Variants in NOTCH2 observed in about 807,000 individuals in gnomAD.
NOTCH2 encodes the protein neurogenic locus notch homolog protein 2.
NOTCH2 carries 29 observed loss-of-function variants against 235.8 expected under a neutral mutation model. The ratio of observed to expected loss-of-function variants is 0.12; its 90% CI spans 0.09 to 0.17. The LOEUF (loss-of-function observed/expected upper bound fraction) is 0.17. Ranked by LOEUF, NOTCH2 falls within the 10% of genes least tolerant of loss-of-function variation. The pLI, the probability that NOTCH2 is intolerant of heterozygous loss-of-function variation, is 1.00. For synonymous variants in NOTCH2, 1,086 were observed against 1,141.5 expected (o/e 0.95, Z 0.98); for missense variants, 2,285 against 3,150.2 (o/e 0.73, Z 6.57).
intron 4 of NOTCH2, chr1:119,996,536 G>A (rs1222696483): frequency 1.5e-6 from 1 of 652,400 alleles, no homozygotes; most frequent in Non-Finnish European, 2.8e-6. Flanking sequence ...GTGCATTTAG[G>A]TGGATAAGAA....
chr1:119,966,526 G>A (rs782118351), intron 8 of NOTCH2, 37 bp from the exon 9 acceptor site: 1 of 1,441,754 alleles, frequency 6.9e-7, no homozygotes, highest in South Asian at 1.1e-5. Flanking sequence ...CTTAAAGAGA[G>A]AGAAAGGTGT....
At position 119,997,214 on chromosome 1, in the gene NOTCH2, T is replaced by C. The variant is rs1616532; in HGVS notation, c.534A>G (p.Lys178=). The stretch of plus-strand genomic sequence containing the variant: ...CACACTCATTGACATCAGTCTCACA[T>C]TTCTGCCCTGTGAAGCCTGTGAGGC... ...CKCLTGFTGQ[K]CETDVNECDI... Residue 178 remains lysine, a synonymous_variant, in exon 4 of 34, where the codon AAA becomes AAG. Transcript: ENST00000256646. The C allele has an allele frequency of 2.0e-5, 32 of 1,613,950 alleles. No individual in the cohort carries two copies. Among genetic ancestry groups the C allele is most frequent in the Middle Eastern group, 1.7e-4 (1 of 6,056 alleles).
chr1:120,037,238 G>T (rs2101353397), intron 1 of NOTCH2, among the ~76,000 whole-genome samples: 1 of 151,374 alleles, frequency 6.6e-6, no homozygotes, highest in African/African-American at 2.4e-5. Flanking sequence ...GAGTTATACA[G>T]GCTCTTTTAA....
At chr1:119,996,220 T>G (rs1652439237) in intron 4 of NOTCH2, 1 of 171,318 alleles carries the variant, frequency 5.8e-6, no homozygotes, top group African/African-American at 2.4e-5. Flanking sequence ...CCTTTCTCCC[T>G]CTCCATGGAA....
chr1:120,007,636 G>A (rs1373609251), intron 2 of NOTCH2, among the ~76,000 whole-genome samples: 4 of 151,864 alleles, frequency 2.6e-5, no homozygotes, highest in Admixed American at 2.6e-4. Flanking sequence ...GTTGCAGTGA[G>A]CCAACGAGAT....
intron 18 of NOTCH2, 44 bp from the exon 19 acceptor site, chr1:119,940,800 G>A: frequency 1.3e-6 from 2 of 1,525,024 alleles, no homozygotes; most frequent in Non-Finnish European, 1.8e-6. Flanking sequence ...TCTGGTGCCT[G>A]TGACTTACTA....
chr1:119,943,989 A>ATTTCTC (rs2101108786), intron 17 of NOTCH2, among the ~76,000 whole-genome samples: 1 of 152,304 alleles, frequency 6.6e-6, no homozygotes, highest in South Asian at 2.1e-4. Context: ...ACAATTAGTA[A>ATTTCTC]ACTTGAAAGT....
At position 119,930,878 on chromosome 1, in the gene NOTCH2, C is replaced by T. The variant is rs587769862; in HGVS notation, c.3656-1666G>A. On this transcript the variant is annotated intron_variant, in intron 22 of 33. Transcript: ENST00000256646. ...CTCTGGGAGGCCAAGGCAGGTGGAT[C>T]ACGAGGTCAGGAGATCGAGACCATC... is the stretch of plus-strand genomic sequence containing the variant. 2.6e-5 allele frequency among the ~76,000 whole-genome samples: 4 copies of T among 151,770 alleles called. No individual in the cohort carries two copies. The South Asian group carries it at 6.2e-4, about 24-fold the overall frequency.
At chr1:120,014,720 G>T in intron 2 of NOTCH2, among the ~76,000 whole-genome samples, 1 of 113,142 alleles carries the variant, frequency 8.8e-6, no homozygotes, top group Non-Finnish European at 1.8e-5. Context: ...TCTGGCAATG[G>T]CTGCAGTTCA....
chr1:120,005,204 A>G (rs1258000611), intron 3 of NOTCH2, 125 bp downstream of exon 3: 7 of 1,077,892 alleles, frequency 6.5e-6, no homozygotes, highest in East Asian at 2.3e-5. Context: ...CCAGTTCCTT[A>G]TCATAATGTT....
intron 10 of NOTCH2, 87 bp downstream of exon 10, chr1:119,965,366 G>C (rs1185738806): frequency 9.5e-7 from 1 of 1,053,246 alleles, no homozygotes; most frequent in East Asian, 2.4e-5. Context: ...GACTGGCCTG[G>C]CACAGCAGCT....
At chr1:119,964,730 C>A (rs1381476739) in intron 10 of NOTCH2, among the ~76,000 whole-genome samples, 1 of 152,192 alleles carries the variant, frequency 6.6e-6, no homozygotes, top group South Asian at 2.1e-4. Context: ...TAAATAACTT[C>A]TTTCTCAAGC....
chr1:119,967,470 C>A lies in NOTCH2; in HGVS notation c.1416G>T (p.Leu472=). Residue 472 remains leucine (L), a synonymous_variant, in exon 8 of 34, where the codon CTG becomes CTT. Coordinates refer to ENST00000256646, the MANE Select transcript of NOTCH2 (RefSeq NM_024408.4). ...SDPCQNDATC[L]DKIGGFTCLC... ...GACATGTGAAGCCTCCAATCTTATC[C>A]AGACAGGTAGCATCATTCTGGCAGG... 6.2e-7 allele frequency: 1 copy of A among 1,614,126 alleles called. No individual in the cohort carries two copies. Among genetic ancestry groups the A allele is most frequent in the East Asian group, 2.2e-5 (1 of 44,876 alleles).
chr1:120,065,626 C>T (rs1570800611), intron 1 of NOTCH2, among the ~76,000 whole-genome samples: 3 of 152,250 alleles, frequency 2.0e-5, no homozygotes, highest in Admixed American at 6.5e-5. Flanking sequence ...TACAAGGTCA[C>T]CAAACCAATT....
intron 1 of NOTCH2, among the ~76,000 whole-genome samples, chr1:120,058,098 C>A: frequency 6.7e-6 from 1 of 149,528 alleles, no homozygotes; most frequent in South Asian, 2.1e-4. Flanking sequence ...TTGTCTACTC[C>A]AAAGGATAGC....
At chr1:120,069,265 G>A (rs1163882896) in intron 1 of NOTCH2, 69 bp downstream of exon 1, 22 of 1,526,312 alleles carry the variant, frequency 1.4e-5, no homozygotes, top group Middle Eastern at 2.1e-4. Context: ...GAAGGACCGA[G>A]GGGGAGAAGG....
chr1:119,936,066 T>C (rs1287742886), intron 21 of NOTCH2, among the ~76,000 whole-genome samples: 4 of 152,122 alleles, frequency 2.6e-5, no homozygotes, highest in African/African-American at 4.8e-5. Context: ...CTGGTTGAGA[T>C]AGGCTTAGGG....
chr1:119,945,634 A>T (rs1452427063), intron 17 of NOTCH2, among the ~76,000 whole-genome samples: 1 of 152,102 alleles, frequency 6.6e-6, no homozygotes, highest in East Asian at 1.9e-4. Flanking sequence ...GCCATTTCAA[A>T]ATGATAAATG....
chr1:119,954,908 T>G (rs1277069503), intron 13 of NOTCH2, 132 bp downstream of exon 13: 8 of 855,324 alleles, frequency 9.4e-6, no homozygotes, highest in Admixed American at 8.0e-5. Context: ...AAGGCTTTGA[T>G]GCAGACTACC....
Sources: allele counts gnomAD v4.1 joint callset (sites outside exome capture counted in the v4.1 genomes callset), GRCh38; gene constraint gnomAD v4.1.1; transcripts MANE v1.5; gene names NCBI Gene and HGNC (gene_info 2026-07-23, HGNC 2026-07-21).